STK32B: variants seen among roughly 807,000 people sequenced by gnomAD.
STK32B encodes serine/threonine kinase 32B.
A neutral mutation model predicts 52.6 loss-of-function variants in STK32B; 43 were observed. That is an observed-to-expected ratio of 0.82 (90% CI 0.64 to 1.05). STK32B has a LOEUF of 1.05. STK32B is among the 50% of genes least tolerant of loss of function. The pLI, the probability that STK32B is intolerant of heterozygous loss-of-function variation, is 0.00. For missense variants in STK32B, 621 were observed against 534.6 expected (o/e 1.16, Z -1.59); for synonymous variants, 238 against 204.3 (o/e 1.17, Z -1.41).
rs550163197 is a variant in STK32B, at chr4:5,355,107, G to A, written c.434+23714G>A. The stretch of plus-strand genomic sequence containing the variant: ...CAGATACATTTTGTTGTTTCTATCC[G>A]TGAAGTTTGGAGTAATTTGTTAAAG... On this transcript the variant is annotated intron_variant, in intron 4 of 11. Transcript: ENST00000282908. 9.9e-5 allele frequency among the ~76,000 whole-genome samples: 15 copies of A among 152,218 alleles called. No homozygotes were observed. In the South Asian group the frequency reaches 1.9e-3, roughly 19 times the overall value.
intron 11 of STK32B, among the ~76,000 whole-genome samples, chr4:5,491,180 A>C (rs1258226318): frequency 6.6e-6 from 1 of 152,230 alleles, no homozygotes; most frequent in South Asian, 2.1e-4. Context: ...ACTAGTTTAC[A>C]GTCCCACCAA....
At chr4:5,411,470 C>T (rs2654494) in intron 5 of STK32B, among the ~76,000 whole-genome samples, 84,069 of 151,686 alleles carry the variant, frequency 0.55, 24,916 homozygotes, top group Middle Eastern at 0.73. Context: ...AATACAAATA[C>T]AAACAATATA....
Position 5,324,805 on chromosome 4 carries a change from G to A in STK32B, c.261-6415G>A, listed in dbSNP as rs115543879. Among the ~76,000 whole-genome samples, 1,131 of 152,342 alleles carry A rather than the reference G, an allele frequency of 7.4e-3. 11 individuals are homozygous for A. The highest frequency in any genetic ancestry group is 0.026 in the African/African-American group (1,085 of 41,578). ...AAGGAATATTGTGGGTGAACGTGTG[G>A]AATTGTGAGAGTGTGGGTCCATCCA... On this transcript the variant is annotated intron_variant, in intron 3 of 11. Coordinates refer to ENST00000282908, the MANE Select transcript of STK32B (RefSeq NM_018401.3).
chr4:5,084,942 G>T (rs1294090303), intron 1 of STK32B, among the ~76,000 whole-genome samples: 1 of 152,046 alleles, frequency 6.6e-6, no homozygotes, highest in African/African-American at 2.4e-5. Flanking sequence ...ATGTAGCAAG[G>T]GCCTCTGGCA....
chr4:5,462,457 G>A (rs971480848), intron 9 of STK32B, among the ~76,000 whole-genome samples: 1 of 152,092 alleles, frequency 6.6e-6, no homozygotes, highest in Non-Finnish European at 1.5e-5. Context: ...GGGCAGCTGC[G>A]GGGGCAATGG....
At chr4:5,229,526 T>C (rs1724107293) in intron 3 of STK32B, among the ~76,000 whole-genome samples, 1 of 152,212 alleles carries the variant, frequency 6.6e-6, no homozygotes, top group African/African-American at 2.4e-5. Flanking sequence ...AACTCCCTGA[T>C]ATGTCAGTTT....
chr4:5,173,124 T>C (rs1719528722), intron 3 of STK32B, among the ~76,000 whole-genome samples: 1 of 152,210 alleles, frequency 6.6e-6, no homozygotes, highest in Non-Finnish European at 1.5e-5. Context: ...TCTCTGATAG[T>C]AGTTTGTATT....
At chr4:5,024,895 A>T in the STK32B span, among the ~76,000 whole-genome samples, 2 of 152,220 alleles carry the variant, frequency 1.3e-5, no homozygotes, top group African/African-American at 4.8e-5. Context: ...CAGGCCCCCA[A>T]GGGGATCGGG....
chr4:5,316,138 T>TATAAATAA (rs1560309891), intron 3 of STK32B, among the ~76,000 whole-genome samples: 23 of 93,738 alleles, frequency 2.5e-4, no homozygotes, highest in African/African-American at 1.4e-3. Context: ...TCAAGTTATA[T>TATAAATAA]ATATATATAA....
intron 5 of STK32B, among the ~76,000 whole-genome samples, chr4:5,406,507 C>T (rs761647927): frequency 6.6e-6 from 1 of 152,174 alleles, no homozygotes; most frequent in Non-Finnish European, 1.5e-5. Flanking sequence ...AGGGCCCCAC[C>T]CCTGCAGCAG....
intron 3 of STK32B, among the ~76,000 whole-genome samples, chr4:5,205,606 C>G (rs1722505429): frequency 6.6e-6 from 1 of 152,048 alleles, no homozygotes; most frequent in Admixed American, 6.5e-5. Flanking sequence ...CTTGGTTGAG[C>G]TGTAATTTCA....
At chr4:5,233,557 G>A (rs1353862635) in intron 3 of STK32B, among the ~76,000 whole-genome samples, 1 of 152,114 alleles carries the variant, frequency 6.6e-6, no homozygotes, top group South Asian at 2.1e-4. Flanking sequence ...GCTGTGAAGA[G>A]TTCAAATTTA....
intron 4 of STK32B, among the ~76,000 whole-genome samples, chr4:5,389,981 C>T (rs948827915): frequency 4.6e-5 from 7 of 152,208 alleles, no homozygotes; most frequent in African/African-American, 2.4e-5. Context: ...AGTCAGGGAA[C>T]CTGGGCAGCC....
the STK32B span, among the ~76,000 whole-genome samples, chr4:5,044,066 C>T: frequency 6.6e-6 from 1 of 152,142 alleles, no homozygotes; most frequent in Non-Finnish European, 1.5e-5. Flanking sequence ...TCCTTCTAGG[C>T]ATTTAATTCT....
At chr4:5,390,862 C>G (rs573849593) in intron 4 of STK32B, among the ~76,000 whole-genome samples, 3 of 152,152 alleles carry the variant, frequency 2.0e-5, no homozygotes, top group African/African-American at 7.2e-5. Flanking sequence ...CCAGTGGTCT[C>G]AGGCAATCTG....
At position 5,246,867 on chromosome 4, in the gene STK32B, A is replaced by G. The variant is rs187068719; in HGVS notation, c.260+78417A>G. ...AGACCCCGTTTTCCTGGGTATCAGC[A>G]GCGGTGGCTGCAGAACAGTGGATAT... On this transcript the variant is annotated intron_variant, in intron 3 of 11. Coordinates refer to ENST00000282908, the MANE Select transcript of STK32B (RefSeq NM_018401.3). Among the ~76,000 whole-genome samples, 29 of 152,338 alleles carry G rather than the reference A, an allele frequency of 1.9e-4. No homozygotes were observed. In the East Asian group the frequency reaches 4.4e-3, roughly 23 times the overall value.
intron 3 of STK32B, among the ~76,000 whole-genome samples, chr4:5,307,682 A>G (rs922745709): frequency 2.6e-5 from 4 of 151,016 alleles, no homozygotes; most frequent in African/African-American, 9.7e-5. Flanking sequence ...ATCTTTTGGG[A>G]GTGTTAGAGA....
Position 5,168,287 on chromosome 4 carries a change from G to T in STK32B, c.109-12G>T. On this transcript the variant is annotated splice_polypyrimidine_tract_variant and intron_variant, in intron 2 of 11. Coordinates refer to ENST00000282908, the MANE Select transcript of STK32B (RefSeq NM_018401.3). ...GTTGGCCTGACTGTTCTCTCCTTTGGCTGTCGCTCAGGTATGCATCGTGCA... is the reference window on the plus strand; with the variant it reads ...GTTGGCCTGACTGTTCTCTCCTTTGTCTGTCGCTCAGGTATGCATCGTGCA... 6.2e-7 allele frequency: 1 copy of T among 1,604,288 alleles called. No individual in the cohort carries two copies. The highest frequency in any genetic ancestry group is 8.5e-7 in the Non-Finnish European group (1 of 1,172,374).
chr4:5,447,926 ATGT>A (rs1715615395), intron 7 of STK32B, among the ~76,000 whole-genome samples: 1 of 152,172 alleles, frequency 6.6e-6, no homozygotes, highest in Admixed American at 6.5e-5. Context: ...TACAGTTTTA[ATGT>A]TGTTTCAGTC....
Sources: gnomAD v4.1 joint callset for allele counts (sites outside exome capture counted in the v4.1 genomes callset) on GRCh38, gnomAD v4.1.1 for gene constraint, MANE v1.5 for transcripts, NCBI Gene and HGNC (gene_info 2026-07-23, HGNC 2026-07-21) for gene names.